MKLN1: variants seen among roughly 807,000 people sequenced by gnomAD.
The protein encoded by MKLN1 is muskelin.
A neutral mutation model predicts 99.0 loss-of-function variants in MKLN1; 18 were observed. That is an observed-to-expected ratio of 0.18 (90% CI 0.13 to 0.27). The LOEUF (loss-of-function observed/expected upper bound fraction) is 0.27, where lower values mean the gene tolerates loss of function less well. Ranked by LOEUF, MKLN1 falls within the 10% of genes least tolerant of loss-of-function variation. The pLI, the probability that MKLN1 is intolerant of heterozygous loss-of-function variation, is 1.00. For synonymous variants in MKLN1, 288 were observed against 293.2 expected, an observed-to-expected ratio of 0.98 and a Z score of 0.18; for missense variants, 621 against 875.9, an observed-to-expected ratio of 0.71 and a Z score of 3.67.
chr7:131,425,846 A>G (rs2116411741), intron 8 of MKLN1, among the ~76,000 whole-genome samples: 1 of 152,268 alleles, frequency 6.6e-6, no homozygotes, highest in South Asian at 2.1e-4. Flanking sequence ...AGTTCTCTCC[A>G]ATTATATCCA....
At chr7:131,449,650 G>GTT (rs150929504) in intron 12 of MKLN1, among the ~76,000 whole-genome samples, 1 of 150,372 alleles carries the variant, frequency 6.7e-6, no homozygotes, top group Non-Finnish European at 1.5e-5. Flanking sequence ...CTTTTTTTCT[G>GTT]TTTTTTTTTC....
intron 1 of MKLN1, among the ~76,000 whole-genome samples, chr7:131,114,175 C>T (rs1157948191): frequency 6.6e-6 from 1 of 152,118 alleles, no homozygotes; most frequent in Admixed American, 6.5e-5. Context: ...TTGATGGTAT[C>T]CTCCATCAAT....
At chr7:131,437,432 A>G (rs1795706107) in intron 9 of MKLN1, among the ~76,000 whole-genome samples, 1 of 152,254 alleles carries the variant, frequency 6.6e-6, no homozygotes, top group Non-Finnish European at 1.5e-5. Context: ...TTGTCATGTA[A>G]TAGAGAATTG....
chr7:131,140,810 C>T (rs971298015), intron 1 of MKLN1, among the ~76,000 whole-genome samples: 3 of 150,942 alleles, frequency 2.0e-5, no homozygotes, highest in African/African-American at 4.9e-5. Context: ...GACAGAGTCT[C>T]GCTTTGTCGC....
intron 2 of MKLN1, among the ~76,000 whole-genome samples, chr7:131,195,671 G>A (rs1016077611): frequency 2.6e-5 from 4 of 151,834 alleles, no homozygotes; most frequent in Admixed American, 2.0e-4. Context: ...TAGTAGTTTC[G>A]GCTGGGCCCG....
At chr7:131,366,050 T>C (rs1428121802) in intron 1 of MKLN1, among the ~76,000 whole-genome samples, 1 of 152,180 alleles carries the variant, frequency 6.6e-6, no homozygotes, top group African/African-American at 2.4e-5. Context: ...GTGAGTAGTG[T>C]TTCCTAGAAT....
intron 12 of MKLN1, among the ~76,000 whole-genome samples, chr7:131,458,016 T>C (rs1040707215): frequency 6.6e-6 from 1 of 152,170 alleles, no homozygotes; most frequent in Non-Finnish European, 1.5e-5. Flanking sequence ...GAGCTCATAG[T>C]GTACCAAATA....
At chr7:131,138,959 T>C (rs1475231079) in intron 1 of MKLN1, among the ~76,000 whole-genome samples, 1 of 152,182 alleles carries the variant, frequency 6.6e-6, no homozygotes, top group Non-Finnish European at 1.5e-5. Flanking sequence ...CTTACTGATT[T>C]AGGGCCTAAA....
At position 131,169,372 on chromosome 7, in the gene MKLN1, C is replaced by G. The variant is rs1050981615; in HGVS notation, c.-297+26431C>G. 2.6e-5 allele frequency among the ~76,000 whole-genome samples: 4 copies of G among 152,178 alleles called. No individual in the cohort carries two copies. In the South Asian group the frequency reaches 8.3e-4, roughly 31 times the overall value. On this transcript the variant is annotated intron_variant, in intron 2 of 7. Transcript: ENST00000416992. ...CCAAATATCGTTGTATCTGAGTTAACCAGCTCATTGCTTCAGATTTTTTCT... is the reference window on the plus strand; with the variant it reads ...CCAAATATCGTTGTATCTGAGTTAAGCAGCTCATTGCTTCAGATTTTTTCT...
chr7:131,216,903 T>A (rs1796991066), intron 3 of MKLN1, among the ~76,000 whole-genome samples: 2 of 151,910 alleles, frequency 1.3e-5, no homozygotes, highest in Non-Finnish European at 2.9e-5. Flanking sequence ...TCTGGGCCCA[T>A]ACCTGGCTTT....
chr7:131,484,151 C>T (rs555361984), intron 17 of MKLN1, among the ~76,000 whole-genome samples: 9 of 151,960 alleles, frequency 5.9e-5, no homozygotes, highest in African/African-American at 2.2e-4. Context: ...AGGGATCTAC[C>T]ATAATTTAAC....
At chr7:131,355,665 G>T (rs1286883991) in intron 1 of MKLN1, among the ~76,000 whole-genome samples, 2 of 129,782 alleles carry the variant, frequency 1.5e-5, no homozygotes, top group African/African-American at 6.5e-5. Context: ...AAGTTCTGGG[G>T]TTTTTTGTTT....
chr7:131,371,039 G>C (rs895145403), intron 1 of MKLN1, among the ~76,000 whole-genome samples: 2 of 152,040 alleles, frequency 1.3e-5, no homozygotes, highest in Non-Finnish European at 2.9e-5. Flanking sequence ...TTTCAATTTA[G>C]TATGAGCTTT....
chr7:131,464,844 T>A (rs2116616296), intron 14 of MKLN1, among the ~76,000 whole-genome samples: 2 of 152,358 alleles, frequency 1.3e-5, no homozygotes, highest in South Asian at 4.1e-4. Flanking sequence ...ATACCTCTTT[T>A]AAATCAGCCT....
chr7:131,187,955 C>CA (rs892109640), intron 2 of MKLN1, among the ~76,000 whole-genome samples: 8 of 150,826 alleles, frequency 5.3e-5, no homozygotes, highest in Non-Finnish European at 7.4e-5. Flanking sequence ...GACTCTGTCT[C>CA]AAAAAAAAGA....
intron 6 of MKLN1, among the ~76,000 whole-genome samples, chr7:131,401,736 T>G (rs1794549889): frequency 6.6e-6 from 1 of 152,166 alleles, no homozygotes; most frequent in Admixed American, 6.6e-5. Flanking sequence ...AGTCACAAAT[T>G]TTATTTCCTT....
intron 3 of MKLN1, among the ~76,000 whole-genome samples, chr7:131,318,265 C>T (rs1798708186): frequency 6.6e-6 from 1 of 152,154 alleles, no homozygotes; most frequent in African/African-American, 2.4e-5. Context: ...TCTCTCAGAC[C>T]ACAGTGCAAT....
chr7:131,213,498 A>G (rs952647598), intron 3 of MKLN1, among the ~76,000 whole-genome samples: 1 of 152,210 alleles, frequency 6.6e-6, no homozygotes. Flanking sequence ...TCAACCTTGT[A>G]TTATTGACAT....
At chr7:131,259,972 G>C (rs907352310) in intron 3 of MKLN1, among the ~76,000 whole-genome samples, 2 of 152,060 alleles carry the variant, frequency 1.3e-5, no homozygotes, top group South Asian at 2.1e-4. Context: ...CTGCCCAAAA[G>C]CTCCTAGATC....
Sources: allele counts gnomAD v4.1 joint callset (sites outside exome capture counted in the v4.1 genomes callset), GRCh38; gene constraint gnomAD v4.1.1; transcripts MANE v1.5; gene names NCBI Gene and HGNC (gene_info 2026-07-23, HGNC 2026-07-21).